The following PDE4D variants were observed in gnomAD, a reference collection of about 807,000 sequenced individuals.
PDE4D encodes the protein 3',5'-cyclic-AMP phosphodiesterase 4D.
In PDE4D, 24 loss-of-function variants were observed where a neutral mutation model predicts 87.4. That is an observed-to-expected ratio of 0.27 (90% confidence interval 0.20 to 0.39). The LOEUF is 0.39. Ranked by LOEUF, PDE4D falls within the 10% of genes least tolerant of loss-of-function variation. PDE4D has a pLI of 1.00. For synonymous variants in PDE4D, 384 were observed against 383.2 expected, an observed-to-expected ratio of 1.00 and a Z score of -0.02; for missense variants, 714 against 1,041.0, an observed-to-expected ratio of 0.69 and a Z score of 4.32.
At chr5:59,115,494 A>G (rs559275991) in intron 5 of PDE4D, among the ~76,000 whole-genome samples, 1 of 149,096 alleles carries the variant, frequency 6.7e-6, no homozygotes, top group South Asian at 2.1e-4. Flanking sequence ...CCAATTATAG[A>G]AGGTTTAGAA....
intron 1 of PDE4D, among the ~76,000 whole-genome samples, chr5:59,620,124 T>C (rs760800826): frequency 6.6e-5 from 10 of 152,088 alleles, no homozygotes; most frequent in Admixed American, 3.9e-4. Context: ...GAAATGTCCA[T>C]GTGACCAAGA....
At chr5:59,549,267 TAA>T (rs1351713968) in intron 1 of PDE4D, among the ~76,000 whole-genome samples, 3 of 152,190 alleles carry the variant, frequency 2.0e-5, no homozygotes, top group Non-Finnish European at 2.9e-5. Context: ...TGTGAAATGT[TAA>T]GTGTTCAACA....
At chr5:59,264,706 G>C (rs1407099907) in intron 1 of PDE4D, among the ~76,000 whole-genome samples, 1 of 151,890 alleles carries the variant, frequency 6.6e-6, no homozygotes, top group Non-Finnish European at 1.5e-5. Context: ...ACAAAATAAT[G>C]CTTTTACAGT....
intron 5 of PDE4D, among the ~76,000 whole-genome samples, chr5:59,174,952 A>G (rs1352089231): frequency 6.6e-6 from 1 of 152,226 alleles, no homozygotes; most frequent in Non-Finnish European, 1.5e-5. Context: ...TTAAATAAAC[A>G]TATTGGAAAT....
chr5:59,361,215 A>G (rs1040490034), intron 1 of PDE4D, among the ~76,000 whole-genome samples: 47 of 152,192 alleles, frequency 3.1e-4, no homozygotes, highest in Non-Finnish European at 1.5e-4. Flanking sequence ...GAAGGAAAAG[A>G]AAATAAATTT....
At chr5:59,422,701 T>G (rs1163713198) in intron 1 of PDE4D, among the ~76,000 whole-genome samples, 1 of 152,214 alleles carries the variant, frequency 6.6e-6, no homozygotes, top group Non-Finnish European at 1.5e-5. Flanking sequence ...TGTAGTGTCT[T>G]GTACTTTGCT....
chr5:59,653,066 T>C (rs1300264647), intron 1 of PDE4D, among the ~76,000 whole-genome samples: 10 of 152,068 alleles, frequency 6.6e-5, no homozygotes, highest in Non-Finnish European at 1.5e-4. Context: ...AAAAAGACAC[T>C]TTATAGAAAT....
At chr5:60,476,105 C>T (rs1274490744) in intron 1 of PDE4D, among the ~76,000 whole-genome samples, 9 of 152,164 alleles carry the variant, frequency 5.9e-5, no homozygotes, top group Non-Finnish European at 1.3e-4. Context: ...GCACTACACT[C>T]AATACTTTTT....
chr5:59,327,594 C>T (rs1263658269), intron 1 of PDE4D, among the ~76,000 whole-genome samples: 6 of 152,166 alleles, frequency 3.9e-5, no homozygotes, highest in East Asian at 3.9e-4. Context: ...TAATGAGATC[C>T]GTTGTTAATG....
chr5:59,884,763 G>A (rs1351642920), intron 1 of PDE4D, among the ~76,000 whole-genome samples: 2 of 151,806 alleles, frequency 1.3e-5, no homozygotes, highest in Non-Finnish European at 2.9e-5. Context: ...CTGATATATT[G>A]TTCACTGAAA....
At chr5:59,184,902 T>C (rs1742534515) in intron 4 of PDE4D, among the ~76,000 whole-genome samples, 1 of 152,172 alleles carries the variant, frequency 6.6e-6, no homozygotes, top group Non-Finnish European at 1.5e-5. Flanking sequence ...AAGCCGAAAC[T>C]ATAAAGTTAC....
chr5:59,240,352 A>G (rs1299923953), intron 1 of PDE4D, among the ~76,000 whole-genome samples: 1 of 152,184 alleles, frequency 6.6e-6, no homozygotes, highest in Non-Finnish European at 1.5e-5. Flanking sequence ...AGCATATTGC[A>G]ATTGATGTTT....
chr5:58,996,386 C>T (rs914159904), intron 6 of PDE4D, among the ~76,000 whole-genome samples: 23 of 152,168 alleles, frequency 1.5e-4, no homozygotes, highest in African/African-American at 5.5e-4. Flanking sequence ...ATTTTAAACA[C>T]ACATTCAATG....
chr5:59,077,178 A>G (rs1561442054), intron 5 of PDE4D, among the ~76,000 whole-genome samples: 1 of 152,170 alleles, frequency 6.6e-6, no homozygotes, highest in Non-Finnish European at 1.5e-5. Context: ...CTGAATATTA[A>G]AAAGGCATTA....
chr5:60,375,836 T>G (rs1407085384), intron 1 of PDE4D, among the ~76,000 whole-genome samples: 2 of 152,128 alleles, frequency 1.3e-5, no homozygotes, highest in African/African-American at 4.8e-5. Context: ...GTCAAGAGAT[T>G]GAGACCATCC....
At chr5:59,915,268 C>A (rs1342744440) in intron 3 of PDE4D, among the ~76,000 whole-genome samples, 2 of 152,056 alleles carry the variant, frequency 1.3e-5, no homozygotes, top group Non-Finnish European at 2.9e-5. Context: ...ATGGAACAGT[C>A]TGAGGATTGA....
chr5:60,165,888 G>T (rs1231264513), intron 2 of PDE4D, among the ~76,000 whole-genome samples: 1 of 151,470 alleles, frequency 6.6e-6, no homozygotes. Flanking sequence ...CTTATTTATG[G>T]GTAAGAACTT....
At chr5:59,235,430 GTAGATT>G (rs1756199506) in intron 1 of PDE4D, among the ~76,000 whole-genome samples, 1 of 152,176 alleles carries the variant, frequency 6.6e-6, no homozygotes, top group Admixed American at 6.6e-5. Context: ...GATTGGGAGT[GTAGATT>G]TTTATCCTTA....
At chr5:59,098,143 T>C (rs376942743) in intron 5 of PDE4D, among the ~76,000 whole-genome samples, 1 of 152,292 alleles carries the variant, frequency 6.6e-6, no homozygotes, top group East Asian at 1.9e-4. Context: ...ACATTGGTGG[T>C]TTTTTCTTCA....
Sources: gnomAD v4.1 joint callset for allele counts (sites outside exome capture counted in the v4.1 genomes callset) on GRCh38, gnomAD v4.1.1 for gene constraint, MANE v1.5 for transcripts, NCBI Gene and HGNC (gene_info 2026-07-23, HGNC 2026-07-21) for gene names.